ZNF234: variants seen among roughly 807,000 people sequenced by gnomAD.
ZNF234 encodes zinc finger protein 234, also known as C2-H2 type zinc finger protein.
ZNF234 carries 4 observed loss-of-function variants against 10.3 expected under a neutral mutation model. That is an observed-to-expected ratio of 0.39 (90% CI 0.19 to 0.89). The LOEUF (loss-of-function observed/expected upper bound fraction) is 0.89. Ranked by LOEUF, ZNF234 falls within the 40% of genes least tolerant of loss-of-function variation. The pLI is 0.38. For synonymous variants in ZNF234, 258 were observed against 280.1 expected (o/e 0.92, Z 0.79); for missense variants, 711 against 836.1 (o/e 0.85, Z 1.85).
intron 3 of ZNF234, among the ~76,000 whole-genome samples, chr19:44,148,101 C>T (rs1208857249): frequency 1.3e-5 from 2 of 152,106 alleles, no homozygotes; most frequent in Non-Finnish European, 1.5e-5. Context: ...ATTCCAAATG[C>T]TATATGTAGT....
At chr19:44,154,353 A>C (rs1599700638) in intron 5 of ZNF234, among the ~76,000 whole-genome samples, 1 of 151,846 alleles carries the variant, frequency 6.6e-6, no homozygotes, top group Admixed American at 6.6e-5. Context: ...CAGCTTTTAG[A>C]ATAATACATG....
Position 44,149,006 on chromosome 19 carries a change from C to T in ZNF234, c.142+109C>T, listed in dbSNP as rs868305225. ...TGAATTAGTCGCCTACATTTGTAGA[C>T]CTGACTTTCCTATCAGTAGTTTTTA... On this transcript the variant is annotated intron_variant, in intron 4 of 5. Transcript: ENST00000426739. 2.3e-6 allele frequency: 3 copies of T among 1,307,162 alleles called. No individual in the cohort carries two copies. In the Middle Eastern group the frequency reaches 5.9e-4, roughly 257 times the overall value. 81.0% of individuals were successfully genotyped at this position (1,307,162 alleles called of 1,614,324 possible).
Position 44,158,189 on chromosome 19 carries a change from TTTTC to T in ZNF234, c.*74_*77del. The T allele has an allele frequency of 1.3e-6, 2 of 1,504,594 alleles. No homozygotes were observed. Among genetic ancestry groups the T allele is most frequent in the Non-Finnish European group, 1.8e-6 (2 of 1,093,468 alleles). The allele number at this position is 1,504,594 out of a possible 1,614,324, so 93.2% of individuals were successfully genotyped here. ...AATTAGATTTCATAGGAGGGAAAAA[TTTTC>T]TTTATCAACCTCTTTGAATTTATTT... On this transcript the variant is annotated 3_prime_UTR_variant, in exon 6 of 6. Transcript: ENST00000426739.
chr19:44,156,693 A>C lies in ZNF234; in HGVS notation c.677A>C (p.His226Pro), dbSNP rs370073890. ...CATCTTCAAACTCATCAGAGAGTCCACACTGTAGAGAAACCATTCAAATGT... is the reference window on the plus strand; with the variant it reads ...CATCTTCAAACTCATCAGAGAGTCCCCACTGTAGAGAAACCATTCAAATGT... ...SSHLQTHQRVHTVEKPFKCVE... is the reference protein window; with the variant it reads ...SSHLQTHQRVPTVEKPFKCVE... Residue 226 changes from histidine to proline, a missense_variant, in exon 6 of 6, where the codon CAC (histidine) becomes CCC (proline). By Grantham distance (77) the His-to-Pro change is moderately conservative (BLOSUM62 -2). Transcript: ENST00000426739. 7 of 1,614,132 alleles carry C rather than the reference A, an allele frequency of 4.3e-6. No homozygotes were observed. Among genetic ancestry groups the C allele is most frequent in the Non-Finnish European group, 5.9e-6 (7 of 1,180,056 alleles).
chr19:44,154,122 A>G (rs1427756046), intron 5 of ZNF234, among the ~76,000 whole-genome samples: 1 of 152,148 alleles, frequency 6.6e-6, no homozygotes, highest in East Asian at 1.9e-4. Context: ...AGCAGCCCTC[A>G]TTGGTGAGCT....
chr19:44,148,873 A>G lies in ZNF234; in HGVS notation c.118A>G (p.Asn40Asp). 1 of 1,613,840 alleles carries G rather than the reference A, an allele frequency of 6.2e-7. No individual in the cohort carries two copies. The highest frequency in any genetic ancestry group is 8.5e-7 in the Non-Finnish European group (1 of 1,179,860). The change falls in exon 4 of 6, where the codon AAC becomes GAC. Residue 40 changes from asparagine (N) to aspartate (D), a missense_variant. Transcript: ENST00000426739. ...TCTGTACCAAGATGTGATGCTGGAGAACTTCAGGAACCTGCTGTCAGTGGG... is the reference window on the plus strand; with the variant it reads ...TCTGTACCAAGATGTGATGCTGGAGGACTTCAGGAACCTGCTGTCAGTGGG... ...RNLYQDVMLE[N>D]FRNLLSVGHH...
At chr19:44,154,291 G>C (rs1035110614) in intron 5 of ZNF234, among the ~76,000 whole-genome samples, 7 of 145,654 alleles carry the variant, frequency 4.8e-5, no homozygotes, top group African/African-American at 1.9e-4. Flanking sequence ...GTGAAAGATT[G>C]GAGTCTACTT....
intron 3 of ZNF234, among the ~76,000 whole-genome samples, chr19:44,146,152 T>C (rs1335883985): frequency 2.6e-5 from 4 of 152,202 alleles, no homozygotes; most frequent in Admixed American, 2.6e-4. Flanking sequence ...GAGTGCCCTG[T>C]TGGGTGATAA....
intron 5 of ZNF234, among the ~76,000 whole-genome samples, chr19:44,153,165 CATAT>C (rs10528022): frequency 2.9e-4 from 28 of 97,824 alleles, no homozygotes; most frequent in Non-Finnish European, 3.4e-4. Context: ...ATGTATTCAT[CATAT>C]ATATATATAT....
rs750886940 is a variant in ZNF234 at position 44,157,625 on chromosome 19, G to GA, written c.1614dup (p.Pro539ThrfsTer3). On this transcript the variant is annotated frameshift_variant, in exon 6 of 6. Coordinates refer to ENST00000426739, the MANE Select transcript of ZNF234 (RefSeq NM_006630.3). LOFTEE classifies it low-confidence loss of function (END_TRUNC). ...AACCCATCAGAGAGTTCACAGTGGG[G>GA]AAAAACCATTTAAATGTGAAGAGTG... 1 of 1,613,858 alleles carries GA rather than the reference G, an allele frequency of 6.2e-7. No homozygotes were observed. Among genetic ancestry groups the GA allele is most frequent in the South Asian group, 1.1e-5 (1 of 91,062 alleles).
chr19:44,154,743 C>A (rs1490719143), intron 5 of ZNF234, among the ~76,000 whole-genome samples: 1 of 151,346 alleles, frequency 6.6e-6, no homozygotes, highest in Non-Finnish European at 1.5e-5. Context: ...AGCGATCCTC[C>A]ATCTCAGCCT....
Position 44,159,684 on chromosome 19 carries a change from C to T in ZNF234, c.*1565C>T. 1 of 437,948 alleles carries T rather than the reference C, an allele frequency of 2.3e-6. No homozygotes were observed. The highest frequency in any genetic ancestry group is 4.8e-6 in the Non-Finnish European group (1 of 208,438). 27.1% of individuals were successfully genotyped at this position (437,948 alleles called of 1,614,324 possible). ...TGAATTTATTTGATTTCTGACTTTC[C>T]ACATTTCCATCCAGACTTTGACATG... On this transcript the variant is annotated 3_prime_UTR_variant, in exon 6 of 6. Transcript: ENST00000426739.
rs140191786 is a variant in ZNF234, at chr19:44,146,571, G to C, written c.15+1924G>C. On this transcript the variant is annotated intron_variant, in intron 3 of 5. Transcript: ENST00000426739. ...TTTTGGTAAGTGTTTTAGTGGGTGT[G>C]ACAAAAGATACCTTACAGAGTATTA... Among the ~76,000 whole-genome samples the C allele has an allele frequency of 1.4e-4, 21 of 152,250 alleles. No individual in the cohort carries two copies. In the East Asian group the frequency reaches 4.1e-3, roughly 29 times the overall value.
chr19:44,144,530 T>A, intron 2 of ZNF234, 27 bp from the exon 3 acceptor site: 1 of 1,109,202 alleles, frequency 9.0e-7, no homozygotes, highest in Non-Finnish European at 1.2e-6. Context: ...GGCCACGCTT[T>A]CATGTCTCTT....
chr19:44,146,120 T>C (rs920462952), intron 3 of ZNF234, among the ~76,000 whole-genome samples: 1 of 152,192 alleles, frequency 6.6e-6, no homozygotes, highest in Non-Finnish European at 1.5e-5. Context: ...TCTCAATGAA[T>C]GACCCGTGGT....
chr19:44,158,305 C>A lies in ZNF234; in HGVS notation c.*186C>A. On this transcript the variant is annotated 3_prime_UTR_variant, in exon 6 of 6. Transcript: ENST00000426739. ...ACAGAATCTCGCTCTGTTGCCCATG[C>A]TGGATGCAGTGGTGCTATCTCAGCT... 1.5e-6 allele frequency: 1 copy of A among 661,560 alleles called. No individual in the cohort carries two copies. Among genetic ancestry groups the A allele is most frequent in the Non-Finnish European group, 2.6e-6 (1 of 379,022 alleles). 41.0% of individuals were successfully genotyped at this position (661,560 alleles called of 1,614,324 possible). A position where few individuals can be genotyped will look rare whatever the true frequency, so the allele number is the denominator to read the frequency against.
intron 3 of ZNF234, 144 bp from the exon 4 acceptor site, chr19:44,148,627 T>G: frequency 8.8e-7 from 1 of 1,138,334 alleles, no homozygotes; most frequent in Non-Finnish European, 1.3e-6. Context: ...ATTGGTAAGA[T>G]GGAAGGAGAA....
Position 44,158,210 on chromosome 19 carries a change from AATTT to A in ZNF234, c.*96_*99del. The A allele has an allele frequency of 7.5e-7, 1 of 1,329,126 alleles. No homozygotes were observed. The highest frequency in any genetic ancestry group is 1.1e-6 in the Non-Finnish European group (1 of 936,384). The allele number at this position is 1,329,126 out of a possible 1,614,324, so 82.3% of individuals were successfully genotyped here. On this transcript the variant is annotated 3_prime_UTR_variant, in exon 6 of 6. Transcript: ENST00000426739. ...AAAATTTTCTTTATCAACCTCTTTG[AATTT>A]ATTTGATTTGTAACGCTCCACATTT...
chr19:44,158,079 ACAT>A lies in ZNF234; in HGVS notation c.2066_2068del (p.Ile689del), dbSNP rs1353714558. Reference sequence around the variant, plus strand: ...TATGAAAATGATGAGAATAGTAAGAACATCAGAGAGTTGTCAGAGGGAGGAAGT... The same window carrying A: ...TATGAAAATGATGAGAATAGTAAGAACAGAGAGTTGTCAGAGGGAGGAAGT... On this transcript the variant is annotated inframe_deletion, in exon 6 of 6. Coordinates refer to ENST00000426739, the MANE Select transcript of ZNF234 (RefSeq NM_006630.3). 1.2e-6 allele frequency: 2 copies of A among 1,611,808 alleles called. No individual in the cohort carries two copies. Among genetic ancestry groups the A allele is most frequent in the East Asian group, 4.5e-5 (2 of 44,858 alleles).
Sources: allele counts gnomAD v4.1 joint callset (sites outside exome capture counted in the v4.1 genomes callset), GRCh38; gene constraint gnomAD v4.1.1; transcripts MANE v1.5; gene names NCBI Gene and HGNC (gene_info 2026-07-23, HGNC 2026-07-21).